Variants in RAP1GAP2 observed in about 807,000 individuals in gnomAD.
RAP1GAP2 encodes RAP1 GTPase activating protein 2.
Under a neutral mutation model 95.0 loss-of-function variants are expected in RAP1GAP2, and 27 were observed. The ratio of observed to expected loss-of-function variants is 0.28; its 90% CI spans 0.21 to 0.39. The LOEUF (loss-of-function observed/expected upper bound fraction) is 0.39. Among genes scored for constraint, RAP1GAP2 ranks in the 10% least tolerant of loss-of-function variants. The pLI, the probability that RAP1GAP2 is intolerant of heterozygous loss-of-function variation, is 1.00. For synonymous variants in RAP1GAP2, 373 were observed against 380.9 expected, an observed-to-expected ratio of 0.98 and a Z score of 0.24; for missense variants, 771 against 970.0, an observed-to-expected ratio of 0.79 and a Z score of 2.72.
chr17:2,775,471 G>A (rs2068478735), upstream of RAP1GAP2, among the ~76,000 whole-genome samples: 1 of 151,402 alleles, frequency 6.6e-6, no homozygotes, highest in Non-Finnish European at 1.5e-5. Context: ...CTGGTGAGAG[G>A]TGTTAAGTGG....
chr17:2,901,934 G>A (rs1397621270), intron 2 of RAP1GAP2, among the ~76,000 whole-genome samples: 2 of 152,264 alleles, frequency 1.3e-5, no homozygotes, highest in East Asian at 1.9e-4. Flanking sequence ...TGGGGCCTGG[G>A]CACTGCATTC....
At chr17:2,838,920 G>A (rs535377864) in intron 2 of RAP1GAP2, among the ~76,000 whole-genome samples, 147 of 152,258 alleles carry the variant, frequency 9.7e-4, no homozygotes, top group African/African-American at 3.5e-3. Context: ...CCTTGGGCAG[G>A]CGACAGTGTT....
At chr17:2,779,982 C>T (rs766174574) in intron 1 of RAP1GAP2, among the ~76,000 whole-genome samples, 3 of 152,020 alleles carry the variant, frequency 2.0e-5, no homozygotes, top group Non-Finnish European at 4.4e-5. Context: ...TGGGTGAGGT[C>T]TAGCTGGGCC....
At chr17:2,972,051 G>T (rs1247391212) in intron 8 of RAP1GAP2, among the ~76,000 whole-genome samples, 1 of 152,118 alleles carries the variant, frequency 6.6e-6, no homozygotes, top group Non-Finnish European at 1.5e-5. Context: ...CTATTAAATT[G>T]CTTCTGTTTC....
At chr17:3,001,727 C>G (rs2046167182) in intron 14 of RAP1GAP2, among the ~76,000 whole-genome samples, 1 of 152,232 alleles carries the variant, frequency 6.6e-6, no homozygotes, top group African/African-American at 2.4e-5. Flanking sequence ...TGGGAAGGAT[C>G]CTTGGAATGA....
chr17:3,018,156 C>A lies in RAP1GAP2; in HGVS notation c.1590C>A (p.Gly530=), dbSNP rs2046839510. 6 of 1,578,954 alleles carry A rather than the reference C, an allele frequency of 3.8e-6. No individual in the cohort carries two copies. The highest frequency in any genetic ancestry group is 5.2e-6 in the Non-Finnish European group (6 of 1,163,120). The change falls in exon 18 of 25, where the codon GGC becomes GGA. Residue 530 remains glycine, a synonymous_variant. Transcript: ENST00000254695. ...GCATCCCTGGCAGCCTCAGCGGGGG[C>A]ATCTCCCACAACAGCATGGAGGTCA... ...SGGIPGSLSG[G]ISHNSMEVTK... is the part of the protein sequence containing the mutation.
chr17:2,967,356 G>A (rs1474880901), intron 8 of RAP1GAP2, among the ~76,000 whole-genome samples: 2 of 152,102 alleles, frequency 1.3e-5, no homozygotes, highest in Non-Finnish European at 2.9e-5. Context: ...GGGCGACAGA[G>A]TGAGACTCTG....
intron 2 of RAP1GAP2, among the ~76,000 whole-genome samples, chr17:2,848,868 C>G (rs2071701162): frequency 6.6e-6 from 1 of 152,208 alleles, no homozygotes. Context: ...TGACTTCAAT[C>G]TTTCCCTTCC....
chr17:2,761,588 A>AC lies in RAP1GAP2; in HGVS notation c.50+5821_50+5822insC, dbSNP rs199873805. 3.6e-4 allele frequency among the ~76,000 whole-genome samples: 54 copies of AC among 151,786 alleles called. No individual in the cohort carries two copies. In the East Asian group the frequency reaches 0.01, roughly 29 times the overall value. On this transcript the variant is annotated intron_variant, in intron 1 of 25. Coordinates refer to the RAP1GAP2 transcript ENST00000637138. The stretch of plus-strand genomic sequence containing the variant: ...CAGGTGTGAGGCACCGCACCCGGCC[A>AC]GGGGGGTGCCATTCTCATCATATCG...
intron 13 of RAP1GAP2, among the ~76,000 whole-genome samples, chr17:2,995,895 T>C (rs1202844488): frequency 6.6e-6 from 1 of 152,222 alleles, no homozygotes; most frequent in Non-Finnish European, 1.5e-5. Flanking sequence ...TGAAGCCGCC[T>C]GTGCCACTTT....
At chr17:2,852,320 C>G (rs1387857282) in intron 2 of RAP1GAP2, among the ~76,000 whole-genome samples, 2 of 147,408 alleles carry the variant, frequency 1.4e-5, no homozygotes, top group African/African-American at 5.0e-5. Context: ...TCCCCCACAA[C>G]CCCGGCAGGG....
Position 2,827,047 on chromosome 17 carries a change from A to G in RAP1GAP2, c.80+26497A>G, listed in dbSNP as rs1431493072. Among the ~76,000 whole-genome samples, 2 of 150,646 alleles carry G rather than the reference A, an allele frequency of 1.3e-5. No homozygotes were observed. The highest frequency in any genetic ancestry group is 2.9e-5 in the Non-Finnish European group (2 of 68,026). On this transcript the variant is annotated intron_variant, in intron 2 of 24. Coordinates refer to ENST00000254695, the MANE Select transcript of RAP1GAP2 (RefSeq NM_015085.5). The surrounding 1 kb of genome is among the most constrained non-coding windows in gnomAD (Gnocchi z 4.1). Reference sequence around the variant, plus strand: ...GAAAGAAAGAAAGAGAGAGAGAAAGAAAGAAAGAGAAAGTCCCATGGAAAT... The same window carrying G: ...GAAAGAAAGAAAGAGAGAGAGAAAGGAAGAAAGAGAAAGTCCCATGGAAAT...
At chr17:2,878,879 C>A (rs2073187524) in intron 2 of RAP1GAP2, among the ~76,000 whole-genome samples, 1 of 152,186 alleles carries the variant, frequency 6.6e-6, no homozygotes, top group Non-Finnish European at 1.5e-5. Flanking sequence ...CTTGCTGGGC[C>A]CCGGTTTTCT....
At chr17:2,846,452 T>C (rs1170251696) in intron 2 of RAP1GAP2, among the ~76,000 whole-genome samples, 1 of 152,046 alleles carries the variant, frequency 6.6e-6, no homozygotes, top group Non-Finnish European at 1.5e-5. Flanking sequence ...ACTCTGTCAC[T>C]CAGGCTGGAC....
chr17:2,874,117 C>T (rs2072980172), intron 2 of RAP1GAP2, among the ~76,000 whole-genome samples: 1 of 152,148 alleles, frequency 6.6e-6, no homozygotes, highest in African/African-American at 2.4e-5. Flanking sequence ...GGACAAGTTA[C>T]CTGATTTCTC....
chr17:2,830,809 T>A (rs2070796985), intron 2 of RAP1GAP2, among the ~76,000 whole-genome samples: 1 of 151,940 alleles, frequency 6.6e-6, no homozygotes, highest in African/African-American at 2.4e-5. Flanking sequence ...TATAAAAATA[T>A]ATGTGGTAGA....
At chr17:2,757,800 C>T (rs1358252772) in intron 1 of RAP1GAP2, among the ~76,000 whole-genome samples, 1 of 152,090 alleles carries the variant, frequency 6.6e-6, no homozygotes, top group East Asian at 1.9e-4. Flanking sequence ...CCTGTTTTGA[C>T]TCATCCTCCC....
rs56406890 is a variant in RAP1GAP2, at chr17:3,031,512, T to C, written c.2184+514T>C. On this transcript the variant is annotated intron_variant, in intron 23 of 24. Transcript: ENST00000254695. Reference sequence around the variant, plus strand: ...TGGTTCCTGGGTCCCCCAGTCCCTTTCTGAGCTCGCCAGACTATGGAGAAC... The same window carrying C: ...TGGTTCCTGGGTCCCCCAGTCCCTTCCTGAGCTCGCCAGACTATGGAGAAC... Among the ~76,000 whole-genome samples the C allele has an allele frequency of 6.1e-3, 466 of 76,616 alleles. 1 individual carries two copies. Among genetic ancestry groups the C allele is most frequent in the Middle Eastern group, 0.034 (3 of 88 alleles). 50.3% of individuals were successfully genotyped at this position (76,616 alleles called of 152,430 possible).
intron 17 of RAP1GAP2, among the ~76,000 whole-genome samples, chr17:3,013,835 C>T (rs1276429649): frequency 1.3e-5 from 2 of 151,996 alleles, no homozygotes; most frequent in African/African-American, 4.8e-5. Context: ...ATAATTTACC[C>T]TTCAGAACTT....
Sources: gnomAD v4.1 joint callset for allele counts (sites outside exome capture counted in the v4.1 genomes callset) on GRCh38, gnomAD v4.1.1 for gene constraint, Gnocchi (gnomAD v3.1) non-coding constraint, MANE v1.5 for transcripts, NCBI Gene and HGNC (gene_info 2026-07-23, HGNC 2026-07-21) for gene names.